The following DIP2A variants were observed in gnomAD, a reference collection of about 807,000 sequenced individuals.
DIP2A encodes disco-interacting protein 2 homolog A.
In DIP2A, 85 loss-of-function variants were observed where a neutral mutation model predicts 177.4. That is an observed-to-expected ratio of 0.48 (90% confidence interval 0.40 to 0.57). The LOEUF is 0.57. Ranked by LOEUF, DIP2A falls within the 20% of genes least tolerant of loss-of-function variation. The pLI is 0.00. For synonymous variants in DIP2A, 886 were observed against 881.8 expected (o/e 1.00, Z -0.08); for missense variants, 1,791 against 2,100.2 (o/e 0.85, Z 2.88).
chr21:46,472,704 C>G (rs940263793), intron 1 of DIP2A, among the ~76,000 whole-genome samples: 2 of 152,198 alleles, frequency 1.3e-5, no homozygotes, highest in Non-Finnish European at 2.9e-5. Flanking sequence ...GGCTAACTTA[C>G]AGCAGGGCTC....
intron 35 of DIP2A, 90 bp downstream of exon 35, chr21:46,564,022 A>C: frequency 6.9e-7 from 1 of 1,458,560 alleles, no homozygotes; most frequent in South Asian, 1.2e-5. Flanking sequence ...TGGAATTCTA[A>C]ACTTGCCTTT....
Position 46,556,387 on chromosome 21 carries a change from A to G in DIP2A, c.3498+296A>G. The G allele has an allele frequency of 7.3e-7, 1 of 1,374,740 alleles. No homozygotes were observed. Among genetic ancestry groups the G allele is most frequent in the Non-Finnish European group, 9.7e-7 (1 of 1,034,940 alleles). 85.2% of individuals were successfully genotyped at this position (1,374,740 alleles called of 1,614,324 possible). A position where few individuals can be genotyped will look rare whatever the true frequency, so the allele number is the denominator to read the frequency against. The stretch of plus-strand genomic sequence containing the variant: ...TTACCTTGCTGGGAGTCAATAGCTC[A>G]ATTAAAATTTTTCAGGCGGGGCGTG... On this transcript the variant is annotated intron_variant, in intron 29 of 37. Coordinates refer to ENST00000417564, the MANE Select transcript of DIP2A (RefSeq NM_015151.4). This position sits in a 1 kb window ranked among gnomAD's most constrained non-coding sequence, Gnocchi z 4.5.
At chr21:46,549,285 T>C (rs1013901537) in intron 21 of DIP2A, among the ~76,000 whole-genome samples, 5 of 152,188 alleles carry the variant, frequency 3.3e-5, no homozygotes, top group Non-Finnish European at 7.4e-5. Flanking sequence ...GACAAAGATA[T>C]CAACTCAAAG....
At chr21:46,516,502 T>TTTTTTTTTTTTTTTTTTG in intron 8 of DIP2A, among the ~76,000 whole-genome samples, 1 of 131,942 alleles carries the variant, frequency 7.6e-6, no homozygotes, top group Non-Finnish European at 1.7e-5. Context: ...TTTTTTTTTT[T>TTTTTTTTTTTTTTTTTTG]TTTTTTTGAG....
rs750394802 is a variant in DIP2A, at chr21:46,538,479, G to A, written c.1802-4G>A. The A allele has an allele frequency of 1.3e-6, 2 of 1,543,480 alleles. No homozygotes were observed. The highest frequency in any genetic ancestry group is 8.7e-7 in the Non-Finnish European group (1 of 1,147,232). On this transcript the variant is annotated splice_polypyrimidine_tract_variant and splice_region_variant and intron_variant, in intron 15 of 37. Transcript: ENST00000417564. ...GGGATGTCTGTGCCATCCTCTCTCTGCAGCTCGGGCCGCGCTGGTGAAGTC... is the reference window on the plus strand; with the variant it reads ...GGGATGTCTGTGCCATCCTCTCTCTACAGCTCGGGCCGCGCTGGTGAAGTC...
chr21:46,472,454 A>G (rs1270341891), intron 1 of DIP2A, among the ~76,000 whole-genome samples: 2 of 152,252 alleles, frequency 1.3e-5, no homozygotes, highest in African/African-American at 4.8e-5. Context: ...ACATGTAAAC[A>G]GTGGCAATAT....
intron 18 of DIP2A, among the ~76,000 whole-genome samples, 197 bp downstream of exon 18, chr21:46,542,092 ATAG>A (rs936004075): frequency 6.6e-6 from 1 of 152,208 alleles, no homozygotes. Context: ...TCCAGGCTTC[ATAG>A]TAGTGCTCTA....
intron 32 of DIP2A, among the ~76,000 whole-genome samples, chr21:46,560,342 G>A (rs2060623079): frequency 6.6e-6 from 1 of 152,246 alleles, no homozygotes; most frequent in Non-Finnish European, 1.5e-5. Flanking sequence ...GGTAGAATTA[G>A]GCTGGTTGGT....
intron 8 of DIP2A, 55 bp from the exon 9 acceptor site, chr21:46,529,037 G>T: frequency 8.5e-7 from 1 of 1,176,218 alleles, no homozygotes. Flanking sequence ...ACATTAAAAT[G>T]TTAATTACTT....
chr21:46,508,353 C>CTTT lies in DIP2A; in HGVS notation c.785-883_785-881dup, dbSNP rs571637777. On this transcript the variant is annotated intron_variant, in intron 6 of 37. Coordinates refer to ENST00000417564, the MANE Select transcript of DIP2A (RefSeq NM_015151.4). ...GCCACTGCTCCTGGCTGGCCAATGA[C>CTTT]TTTTTTTTTTTTTTTTTTTTTTTGA... Among the ~76,000 whole-genome samples, 891 of 90,436 alleles carry CTTT rather than the reference C, an allele frequency of 9.9e-3. 25 individuals are homozygous for CTTT. The highest frequency in any genetic ancestry group is 0.051 in the Middle Eastern group (5 of 98). 59.3% of individuals were successfully genotyped at this position (90,436 alleles called of 152,430 possible). A position where few individuals can be genotyped will look rare whatever the true frequency, so the allele number is the denominator to read the frequency against.
intron 10 of DIP2A, 31 bp from the exon 11 acceptor site, chr21:46,533,493 C>G (rs758063779): frequency 2.6e-5 from 41 of 1,605,426 alleles, no homozygotes; most frequent in South Asian, 2.3e-4. Context: ...TGTGAGCACC[C>G]CACCCCACAC....
intron 5 of DIP2A, among the ~76,000 whole-genome samples, chr21:46,500,008 G>T (rs577667398): frequency 5.1e-4 from 78 of 152,280 alleles, no homozygotes; most frequent in African/African-American, 1.8e-3. Context: ...CATGGGTGCC[G>T]AGCTCTTTTT....
intron 3 of DIP2A, among the ~76,000 whole-genome samples, chr21:46,495,179 TTTCTCTTCTCTTCTCTTCTCTTCTC>T (rs373831760): frequency 6.1e-4 from 44 of 72,454 alleles, no homozygotes; most frequent in East Asian, 5.0e-3. Flanking sequence ...TCTTTCGCTT[TTTCTCTTCTCTTCTCTTCTCTTCTC>T]TTCTCTTCTC....
downstream of DIP2A, among the ~76,000 whole-genome samples, chr21:46,574,548 C>G (rs1056864701): frequency 3.3e-5 from 5 of 151,880 alleles, no homozygotes; most frequent in Non-Finnish European, 7.4e-5. Flanking sequence ...TTGAAAAGAT[C>G]AACAAAATTG....
chr21:46,463,774 T>C (rs1431228647), intron 1 of DIP2A, among the ~76,000 whole-genome samples: 1 of 151,620 alleles, frequency 6.6e-6, no homozygotes, highest in Non-Finnish European at 1.5e-5. Context: ...AGTGGCGCGA[T>C]CTCGGCTCAC....
At chr21:46,490,804 C>G (rs896579992) in intron 3 of DIP2A, 85 bp downstream of exon 3, 1 of 1,431,656 alleles carries the variant, frequency 7.0e-7, no homozygotes, top group Non-Finnish European at 9.2e-7. Context: ...GTTATTTTTC[C>G]TTTGCCACAA....
chr21:46,528,244 A>T (rs1286892624), intron 8 of DIP2A, among the ~76,000 whole-genome samples: 1 of 152,068 alleles, frequency 6.6e-6, no homozygotes, highest in Non-Finnish European at 1.5e-5. Context: ...TAACATATTA[A>T]ATTAGGAATT....
At chr21:46,575,506 G>A in the DIP2A span, among the ~76,000 whole-genome samples, 1 of 152,146 alleles carries the variant, frequency 6.6e-6, no homozygotes, top group South Asian at 2.1e-4. Flanking sequence ...AATCTCATAT[G>A]TAGAAAGGCC....
intron 5 of DIP2A, among the ~76,000 whole-genome samples, chr21:46,500,433 C>T (rs2057586869): frequency 6.6e-6 from 1 of 152,216 alleles, no homozygotes; most frequent in African/African-American, 2.4e-5. Flanking sequence ...ACAGCTTTTG[C>T]ACTGTTGTTT....
Sources: gnomAD v4.1 joint callset for allele counts (sites outside exome capture counted in the v4.1 genomes callset) on GRCh38, gnomAD v4.1.1 for gene constraint, Gnocchi (gnomAD v3.1) non-coding constraint, MANE v1.5 for transcripts, NCBI Gene and HGNC (gene_info 2026-07-23, HGNC 2026-07-21) for gene names.